CTNNA3: variants seen among roughly 807,000 people sequenced by gnomAD.
The protein encoded by CTNNA3 is catenin alpha-3.
A neutral mutation model predicts 95.7 loss-of-function variants in CTNNA3; 76 were observed. The ratio of observed to expected loss-of-function variants is 0.79; its 90% CI spans 0.66 to 0.96. CTNNA3 has a LOEUF of 0.96. Ranked by LOEUF, CTNNA3 falls within the 40% of genes least tolerant of loss-of-function variation. The pLI is 0.00. For missense variants in CTNNA3, 1,191 were observed against 1,089.8 expected (o/e 1.09, Z -1.31); for synonymous variants, 431 against 374.4 (o/e 1.15, Z -1.74).
intron 3 of CTNNA3, among the ~76,000 whole-genome samples, chr10:67,570,159 G>A (rs556587631): frequency 3.3e-5 from 5 of 151,826 alleles, no homozygotes; most frequent in South Asian, 2.1e-4. Flanking sequence ...TGCTGCATTC[G>A]ACATTTATTT....
chr10:66,053,472 G>A (rs539766433), intron 15 of CTNNA3, among the ~76,000 whole-genome samples: 1 of 151,870 alleles, frequency 6.6e-6, no homozygotes, highest in African/African-American at 2.4e-5. Flanking sequence ...GGAGCATGGG[G>A]TATCCATCCT....
chr10:66,024,447 A>G (rs1361369754), intron 15 of CTNNA3, among the ~76,000 whole-genome samples: 1 of 152,180 alleles, frequency 6.6e-6, no homozygotes, highest in African/African-American at 2.4e-5. Context: ...AGTTTCATAG[A>G]TTGATAATGG....
intron 5 of CTNNA3, among the ~76,000 whole-genome samples, chr10:67,224,395 T>C (rs1864796119): frequency 6.6e-6 from 1 of 152,200 alleles, no homozygotes. Flanking sequence ...TTCAGGTTCA[T>C]CCAAGTTGTC....
chr10:65,988,808 A>C lies in CTNNA3; in HGVS notation c.2160-11T>G. ...AGTGGTCCTTTGCCCCTGGAAAAAA[A>C]TTTATATATGTTAGCTGTGGTGTTC... On this transcript the variant is annotated splice_polypyrimidine_tract_variant and intron_variant, in intron 15 of 17. Transcript: ENST00000433211. 6.3e-7 allele frequency: 1 copy of C among 1,597,390 alleles called. No individual in the cohort carries two copies. The highest frequency in any genetic ancestry group is 1.1e-5 in the South Asian group (1 of 90,342).
At chr10:66,001,130 A>AAT (rs1348478975) in intron 15 of CTNNA3, among the ~76,000 whole-genome samples, 16 of 151,900 alleles carry the variant, frequency 1.1e-4, no homozygotes, top group South Asian at 4.2e-4. Context: ...TAAAATAAAA[A>AAT]ATATATATAT....
At chr10:67,527,265 G>GATAAA (rs1001272473) in intron 4 of CTNNA3, among the ~76,000 whole-genome samples, 1 of 151,920 alleles carries the variant, frequency 6.6e-6, no homozygotes, top group South Asian at 2.1e-4. Flanking sequence ...TCAAAGATAA[G>GATAAA]ATAAAATAAA....
intron 12 of CTNNA3, among the ~76,000 whole-genome samples, chr10:66,311,497 CAT>C (rs1436330390): frequency 3.9e-5 from 6 of 152,184 alleles, no homozygotes; most frequent in African/African-American, 1.4e-4. Flanking sequence ...ATACAGAGTA[CAT>C]GACAGTGATC....
rs1239451907 is a variant in CTNNA3 at position 66,816,633 on chromosome 10, A to G, written c.1048-41109T>C. Among the ~76,000 whole-genome samples, 4 of 152,198 alleles carry G rather than the reference A, an allele frequency of 2.6e-5. No homozygotes were observed. In the East Asian group the frequency reaches 7.7e-4, roughly 29 times the overall value. On this transcript the variant is annotated intron_variant, in intron 7 of 17. Coordinates refer to ENST00000433211, the MANE Select transcript of CTNNA3 (RefSeq NM_013266.4). The stretch of plus-strand genomic sequence containing the variant: ...TAATAGAACAACTAAACAGAAGAGA[A>G]ACAAGGAAATAGAAGACTTGAACAA...
At chr10:66,057,454 A>G (rs1369071472) in intron 15 of CTNNA3, among the ~76,000 whole-genome samples, 2 of 152,210 alleles carry the variant, frequency 1.3e-5, no homozygotes, top group African/African-American at 4.8e-5. Flanking sequence ...AACAATTACT[A>G]AGATCTTATT....
At chr10:67,752,189 A>C (rs1841411232) in intron 1 of CTNNA3, among the ~76,000 whole-genome samples, 1 of 152,236 alleles carries the variant, frequency 6.6e-6, no homozygotes, top group Admixed American at 6.5e-5. Flanking sequence ...CAATAAATGT[A>C]ATTCATCACA....
At chr10:66,972,409 G>C (rs1201842565) in intron 7 of CTNNA3, among the ~76,000 whole-genome samples, 1 of 152,120 alleles carries the variant, frequency 6.6e-6, no homozygotes, top group Admixed American at 6.6e-5. Flanking sequence ...TCCTGCCTCA[G>C]CCTCCTGAGT....
intron 7 of CTNNA3, among the ~76,000 whole-genome samples, chr10:66,859,387 T>C (rs4746641): frequency 0.58 from 87,215 of 150,048 alleles, 26,431 homozygotes; most frequent in African/African-American, 0.64. Context: ...AAAGAAGACA[T>C]TTATGCAGCC....
intron 2 of CTNNA3, among the ~76,000 whole-genome samples, chr10:67,625,116 G>A (rs10047268): frequency 0.13 from 20,068 of 152,152 alleles, 1,434 homozygotes; most frequent in Non-Finnish European, 0.16. Context: ...CTAGGAACCC[G>A]GAGGTACCTA....
intron 7 of CTNNA3, among the ~76,000 whole-genome samples, chr10:66,956,198 C>A (rs1848783470): frequency 6.6e-6 from 1 of 151,292 alleles, no homozygotes; most frequent in East Asian, 1.9e-4. Context: ...TTCTAATTAA[C>A]ACAAAGGTGA....
intron 12 of CTNNA3, among the ~76,000 whole-genome samples, chr10:66,331,243 A>G (rs1354793490): frequency 6.7e-6 from 1 of 149,850 alleles, no homozygotes; most frequent in East Asian, 2.0e-4. Flanking sequence ...TAATTTGTGT[A>G]TAAGGTGTAA....
At chr10:66,622,744 C>G (rs1323411355) in intron 9 of CTNNA3, among the ~76,000 whole-genome samples, 5 of 152,108 alleles carry the variant, frequency 3.3e-5, no homozygotes, top group Non-Finnish European at 7.4e-5. Flanking sequence ...CTGCTAAGAT[C>G]TAAAATACAT....
chr10:67,159,372 G>C (rs1861441116), intron 7 of CTNNA3, among the ~76,000 whole-genome samples: 1 of 152,130 alleles, frequency 6.6e-6, no homozygotes, highest in Non-Finnish European at 1.5e-5. Flanking sequence ...GAGAGGTTTT[G>C]TCTGCGGCTC....
Position 66,685,323 on chromosome 10 carries a change from G to GTATATA in CTNNA3, c.1282-63540_1282-63539insTATATA, listed in dbSNP as rs1564617422. On this transcript the variant is annotated intron_variant, in intron 9 of 17. Coordinates refer to ENST00000433211, the MANE Select transcript of CTNNA3 (RefSeq NM_013266.4). ...TGTATATATATGTGTGTGTGTATGT[G>GTATATA]TGTATATATATATATATATATATAT... is the stretch of plus-strand genomic sequence containing the variant. Among the ~76,000 whole-genome samples the GTATATA allele has an allele frequency of 4.7e-3, 165 of 34,854 alleles. 7 individuals carry two copies. Among genetic ancestry groups the GTATATA allele is most frequent in the African/African-American group, 0.017 (130 of 7,568 alleles). 22.9% of individuals were successfully genotyped at this position (34,854 alleles called of 152,430 possible).
intron 5 of CTNNA3, among the ~76,000 whole-genome samples, chr10:67,362,923 A>G (rs981777493): frequency 6.6e-6 from 1 of 152,134 alleles, no homozygotes; most frequent in African/African-American, 2.4e-5. Context: ...AGAATACAAA[A>G]TCAACGTATT....
Sources: allele counts gnomAD v4.1 joint callset (sites outside exome capture counted in the v4.1 genomes callset), GRCh38; gene constraint gnomAD v4.1.1; transcripts MANE v1.5; gene names NCBI Gene and HGNC (gene_info 2026-07-23, HGNC 2026-07-21).